The following RALYL variants were observed in gnomAD, a reference collection of about 807,000 sequenced individuals.
RALYL encodes RALY RNA binding protein like, also known as RNA-binding Raly-like protein.
Under a neutral mutation model 35.1 loss-of-function variants are expected in RALYL, and 29 were observed. That is an observed-to-expected ratio of 0.83 (90% CI 0.61 to 1.13). The LOEUF (loss-of-function observed/expected upper bound fraction) is 1.13, where lower values mean the gene tolerates loss of function less well. RALYL is among the 50% of genes most tolerant of loss of function. The pLI is 0.00. For synonymous variants in RALYL, 120 were observed against 127.6 expected, an observed-to-expected ratio of 0.94 and a Z score of 0.40; for missense variants, 359 against 360.4, an observed-to-expected ratio of 1.00 and a Z score of 0.03.
intron 4 of RALYL, among the ~76,000 whole-genome samples, chr8:84,824,051 T>C (rs1412236864): frequency 6.6e-6 from 1 of 151,992 alleles, no homozygotes; most frequent in Non-Finnish European, 1.5e-5. Flanking sequence ...GTCATACATA[T>C]GGGAAAATAA....
intron 2 of RALYL, among the ~76,000 whole-genome samples, chr8:84,600,787 T>C (rs928043379): frequency 6.6e-6 from 1 of 152,240 alleles, no homozygotes; most frequent in African/African-American, 2.4e-5. Context: ...GATTCTGCCA[T>C]CCAAGGCAAA....
chr8:84,726,658 C>CTCTTAT (rs1845015681), intron 2 of RALYL, among the ~76,000 whole-genome samples: 1 of 151,858 alleles, frequency 6.6e-6, no homozygotes, highest in Non-Finnish European at 1.5e-5. Context: ...GAATCTATTA[C>CTCTTAT]TCTTACATGG....
chr8:84,801,945 G>A (rs1823388879), intron 3 of RALYL, among the ~76,000 whole-genome samples: 1 of 151,972 alleles, frequency 6.6e-6, no homozygotes, highest in Non-Finnish European at 1.5e-5. Flanking sequence ...CTAAATCTAG[G>A]AAAATAAATA....
chr8:84,405,825 T>C (rs1263673281), intron 1 of RALYL, among the ~76,000 whole-genome samples: 1 of 137,542 alleles, frequency 7.3e-6, no homozygotes, highest in Non-Finnish European at 1.6e-5. Context: ...TTTTCATTCT[T>C]TTTTTTTTTT....
intron 2 of RALYL, among the ~76,000 whole-genome samples, chr8:84,546,004 T>C (rs1394565389): frequency 6.6e-6 from 1 of 152,206 alleles, no homozygotes; most frequent in African/African-American, 2.4e-5. Context: ...TGCAGTAAAT[T>C]TTCTAACATT....
chr8:84,715,483 G>A (rs1589159163), intron 2 of RALYL, among the ~76,000 whole-genome samples: 1 of 151,744 alleles, frequency 6.6e-6, no homozygotes, highest in Non-Finnish European at 1.5e-5. Context: ...ACTTTAAAAA[G>A]CAAAATATAA....
chr8:84,674,246 G>T (rs1254176626), intron 2 of RALYL, among the ~76,000 whole-genome samples: 2 of 152,172 alleles, frequency 1.3e-5, no homozygotes, highest in Non-Finnish European at 2.9e-5. Context: ...CTTTGCTGAA[G>T]TTGCTTATTA....
intron 2 of RALYL, among the ~76,000 whole-genome samples, chr8:84,579,272 C>T (rs753732764): frequency 3.3e-5 from 5 of 152,182 alleles, no homozygotes; most frequent in Non-Finnish European, 5.9e-5. Flanking sequence ...AACTTTGCTC[C>T]GCCCACTCCC....
At chr8:84,318,233 C>T (rs1171313055) in intron 1 of RALYL, among the ~76,000 whole-genome samples, 1 of 152,168 alleles carries the variant, frequency 6.6e-6, no homozygotes, top group Non-Finnish European at 1.5e-5. Flanking sequence ...AAGCTGCATG[C>T]CTGTGAGGCT....
At chr8:84,238,621 A>G (rs190112038) in intron 1 of RALYL, among the ~76,000 whole-genome samples, 4 of 152,332 alleles carry the variant, frequency 2.6e-5, no homozygotes, top group Admixed American at 2.6e-4. Context: ...GTAAGATCAG[A>G]GAGGGCGTTG....
chr8:84,519,275 T>A (rs2058286644), intron 1 of RALYL, among the ~76,000 whole-genome samples: 1 of 152,232 alleles, frequency 6.6e-6, no homozygotes, highest in African/African-American at 2.4e-5. Flanking sequence ...TTGCGGATCT[T>A]ATAATTTAAG....
At chr8:84,208,404 A>T (rs1395100695) in intron 1 of RALYL, among the ~76,000 whole-genome samples, 1 of 152,084 alleles carries the variant, frequency 6.6e-6, no homozygotes, top group African/African-American at 2.4e-5. Context: ...TATGATTGGT[A>T]CCTTTTTTAG....
intron 1 of RALYL, among the ~76,000 whole-genome samples, chr8:84,467,492 A>G (rs1370117282): frequency 7.9e-5 from 12 of 151,648 alleles, no homozygotes; most frequent in Non-Finnish European, 1.2e-4. Flanking sequence ...GTTTGATTGC[A>G]CTGTGGTCTG....
At chr8:84,428,104 T>TCACACACACA (rs769786577) in intron 1 of RALYL, among the ~76,000 whole-genome samples, 19 of 131,814 alleles carry the variant, frequency 1.4e-4, no homozygotes, top group African/African-American at 3.6e-4. Context: ...TCTCTCTCTC[T>TCACACACACA]CTCACACACA....
At chr8:84,268,647 T>C (rs1383480023) in intron 1 of RALYL, among the ~76,000 whole-genome samples, 1 of 152,222 alleles carries the variant, frequency 6.6e-6, no homozygotes, top group Non-Finnish European at 1.5e-5. Flanking sequence ...CAATATTAAT[T>C]GGAGGTACAA....
chr8:84,864,313 T>C (rs976848991), intron 6 of RALYL, among the ~76,000 whole-genome samples: 1 of 152,290 alleles, frequency 6.6e-6, no homozygotes, highest in African/African-American at 2.4e-5. Context: ...GTGTGTTTTA[T>C]TTTTTAGCAG....
chr8:84,766,643 G>T (rs1274042460), intron 2 of RALYL, among the ~76,000 whole-genome samples: 1 of 138,240 alleles, frequency 7.2e-6, no homozygotes, highest in Non-Finnish European at 1.5e-5. Flanking sequence ...AGAATAGCTT[G>T]AACCCGAGAG....
At chr8:84,310,814 G>T (rs563590781) in intron 1 of RALYL, among the ~76,000 whole-genome samples, 1 of 137,922 alleles carries the variant, frequency 7.3e-6, no homozygotes, top group Non-Finnish European at 1.6e-5. Context: ...TTGGGAGGCC[G>T]AGGCGGGTGG....
chr8:84,535,150 A>G (rs2059510947), intron 2 of RALYL, among the ~76,000 whole-genome samples: 1 of 152,162 alleles, frequency 6.6e-6, no homozygotes, highest in Non-Finnish European at 1.5e-5. Flanking sequence ...CAATGCCAAT[A>G]AATAATATTA....
Sources: gnomAD v4.1 joint callset for allele counts (sites outside exome capture counted in the v4.1 genomes callset) on GRCh38, gnomAD v4.1.1 for gene constraint, MANE v1.5 for transcripts, NCBI Gene and HGNC (gene_info 2026-07-23, HGNC 2026-07-21) for gene names.